ESCO2: variants seen among roughly 807,000 people sequenced by gnomAD.
The protein encoded by ESCO2 is N-acetyltransferase ESCO2.
ESCO2 carries 51 observed loss-of-function variants against 61.7 expected under a neutral mutation model. The ratio of observed to expected loss-of-function variants is 0.83; its 90% CI spans 0.66 to 1.04. The LOEUF is 1.04. ESCO2 is among the 50% of genes least tolerant of loss of function. ESCO2 has a pLI of 0.00. For synonymous variants in ESCO2, 230 were observed against 238.2 expected (o/e 0.97, Z 0.32); for missense variants, 692 against 686.2 (o/e 1.01, Z -0.09).
chr8:27,788,942 G>A lies in ESCO2; in HGVS notation c.1227G>A (p.Gln409=). ...CTGAAGATGAAATGCAGCATGTACA[G>A]CATCACCACAGGTTTCTGGAAGGAA... is the stretch of plus-strand genomic sequence containing the variant. ...SNPEDEMQHV[Q]HHHRFLEGIK... Residue 409 remains glutamine, a synonymous_variant, in exon 7 of 11, where the codon CAG becomes CAA. Coordinates refer to ENST00000305188, the MANE Select transcript of ESCO2 (RefSeq NM_001017420.3). 1.2e-6 allele frequency: 2 copies of A among 1,614,096 alleles called. No individual in the cohort carries two copies.
chr8:27,798,187 C>A (rs1480079887), intron 9 of ESCO2, among the ~76,000 whole-genome samples: 2 of 152,154 alleles, frequency 1.3e-5, no homozygotes, highest in Non-Finnish European at 2.9e-5. Flanking sequence ...AGGCCAGGCG[C>A]AGTGGCTCAC....
chr8:27,801,455 A>G (rs1233198416), intron 10 of ESCO2, among the ~76,000 whole-genome samples: 2 of 152,200 alleles, frequency 1.3e-5, no homozygotes, highest in South Asian at 2.1e-4. Context: ...ACACATACTT[A>G]CAAAGGGTAT....
chr8:27,780,006 G>A, intron 3 of ESCO2, 168 bp from the exon 4 acceptor site: 1 of 585,260 alleles, frequency 1.7e-6, no homozygotes, highest in South Asian at 2.0e-5. Flanking sequence ...GTGAATACAG[G>A]GGAAGTTTTC....
rs1554557661 is a variant in ESCO2, at chr8:27,802,630, A to AAAAAAT, written c.1674-675_1674-674insAAAATA. On this transcript the variant is annotated intron_variant, in intron 10 of 10. Coordinates refer to ENST00000305188, the MANE Select transcript of ESCO2 (RefSeq NM_001017420.3). Reference sequence around the variant, plus strand: ...CTCAAAAAAAAAAAAAAAAAAAAAAAATATATATATATATATATATATATA... The same window carrying AAAAAAT: ...CTCAAAAAAAAAAAAAAAAAAAAAAAAAAAATATATATATATATATATATATATATA... Among the ~76,000 whole-genome samples the AAAAAAT allele has an allele frequency of 2.3e-3, 105 of 45,826 alleles. 3 individuals are homozygous for AAAAAAT. The highest frequency in any genetic ancestry group is 2.9e-3 in the Admixed American group (8 of 2,756). 30.1% of individuals were successfully genotyped at this position (45,826 alleles called of 152,430 possible).
At chr8:27,779,104 G>A (rs931871267) in intron 3 of ESCO2, 2 of 152,310 alleles carry the variant, frequency 1.3e-5, no homozygotes, top group East Asian at 1.9e-4. Flanking sequence ...TAGTAGGAAC[G>A]GGGTTTCACC....
At chr8:27,816,844 C>T (rs1430518538), downstream of ESCO2, among the ~76,000 whole-genome samples, 7 of 151,422 alleles carry the variant, frequency 4.6e-5, no homozygotes, top group Admixed American at 2.6e-4. Flanking sequence ...AATATAAACC[C>T]GTATAATTTA....
rs149395052 is a variant in ESCO2, at chr8:27,803,929, A to G, written c.*491A>G. The G allele has an allele frequency of 1.5e-3, 1,448 of 993,998 alleles. 9 individuals carry two copies. The African/African-American group carries it at 0.024, about 16-fold the overall frequency. The allele number at this position is 993,998 out of a possible 1,614,324, so 61.6% of individuals were successfully genotyped here. On this transcript the variant is annotated 3_prime_UTR_variant, in exon 11 of 11. Transcript: ENST00000305188. The stretch of plus-strand genomic sequence containing the variant: ...ATTTTTTTTTTTTTTTAATAGAGGC[A>G]TGGGTCTCACTGTGTTGCCCAGGCT...
rs769660458 is a variant in ESCO2 at position 27,776,954 on chromosome 8, AAAT to A, written c.647_649del (p.Lys216_Ser217delinsThr). The stretch of plus-strand genomic sequence containing the variant: ...TGGAGCAGCATTTTTTGTTAGAAAA[AAAT>A]CTTCTCTTAGAAAATCGTCCCTGGA... On this transcript the variant is annotated inframe_deletion, in exon 3 of 11. Transcript: ENST00000305188. The A allele has an allele frequency of 6.2e-7, 1 of 1,613,244 alleles. No homozygotes were observed. Among genetic ancestry groups the A allele is most frequent in the East Asian group, 2.2e-5 (1 of 44,876 alleles).
intron 9 of ESCO2, among the ~76,000 whole-genome samples, chr8:27,794,443 T>A (rs1805250389): frequency 6.6e-6 from 1 of 152,250 alleles, no homozygotes; most frequent in Non-Finnish European, 1.5e-5. Context: ...GCCCATTTTT[T>A]AATCAGAGTA....
At chr8:27,810,899 A>G, downstream of ESCO2, 1 of 1,120,406 alleles carries the variant, frequency 8.9e-7, no homozygotes, top group Non-Finnish European at 1.3e-6. Context: ...AGATAAAATT[A>G]TATAATCTTT....
At chr8:27,780,067 A>G in intron 3 of ESCO2, 107 bp from the exon 4 acceptor site, 1 of 739,714 alleles carries the variant, frequency 1.4e-6, no homozygotes, top group Non-Finnish European at 2.4e-6. Flanking sequence ...AATGTAATTC[A>G]TAATAAACCA....
Position 27,792,693 on chromosome 8 carries a change from A to G in ESCO2, c.1379A>G (p.Asp460Gly). Residue 460 changes from aspartate (D) to glycine (G), a missense_variant, in exon 9 of 11, where the codon GAT becomes GGT. Coordinates refer to ENST00000305188, the MANE Select transcript of ESCO2 (RefSeq NM_001017420.3). ...GTAGAAGATGTCCAAGAACTTGTTG[A>G]TAATGAATTGGGCTTCCAGCAAGTT... ...KKVEDVQELV[D>G]NELGFQQVVP... 6.2e-7 allele frequency: 1 copy of G among 1,612,804 alleles called. No homozygotes were observed. Among genetic ancestry groups the G allele is most frequent in the Non-Finnish European group, 8.5e-7 (1 of 1,179,674 alleles).
rs886062868 is a variant in ESCO2, at chr8:27,803,660, T to C, written c.*222T>C. 53 of 1,337,466 alleles carry C rather than the reference T, an allele frequency of 4.0e-5. No individual in the cohort carries two copies. Among genetic ancestry groups the C allele is most frequent in the Non-Finnish European group, 4.9e-5 (51 of 1,049,398 alleles). The allele number at this position is 1,337,466 out of a possible 1,614,324, so 82.8% of individuals were successfully genotyped here. A position where few individuals can be genotyped will look rare whatever the true frequency, so the allele number is the denominator to read the frequency against. On this transcript the variant is annotated 3_prime_UTR_variant, in exon 11 of 11. Coordinates refer to ENST00000305188, the MANE Select transcript of ESCO2 (RefSeq NM_001017420.3). ...ATCTGGGGATTCAAAGGAAAAATCT[T>C]TGGGTGATTCCCTGATTAGCACTCT... is the stretch of plus-strand genomic sequence containing the variant.
In ESCO2 at chr8:27,784,108, C is replaced by T. The variant is rs546622918; in HGVS notation, c.1013+51C>T. 50 of 1,556,006 alleles carry T rather than the reference C, an allele frequency of 3.2e-5. No individual in the cohort carries two copies. The East Asian group carries it at 1.1e-3, about 34-fold the overall frequency. ...CCAAGCCTTGTAAATTATACAGTTC[C>T]TCTGGGTCTCTTTTTCAGTCTCATG... On this transcript the variant is annotated intron_variant, in intron 5 of 10. Coordinates refer to ENST00000305188, the MANE Select transcript of ESCO2 (RefSeq NM_001017420.3).
intron 1 of ESCO2, 44 bp downstream of exon 1, chr8:27,774,651 A>T (rs1479321373): frequency 6.6e-6 from 1 of 152,598 alleles, no homozygotes; most frequent in Non-Finnish European, 1.5e-5. Flanking sequence ...TGGAAGGCTG[A>T]GGCGAGCGGG....
chr8:27,780,159 T>TTA lies in ESCO2; in HGVS notation c.862-15_862-14insTA. 6.6e-7 allele frequency: 1 copy of TTA among 1,505,936 alleles called. No homozygotes were observed. The highest frequency in any genetic ancestry group is 1.4e-5 in the African/African-American group (1 of 72,502). 93.3% of individuals were successfully genotyped at this position (1,505,936 alleles called of 1,614,324 possible). A position where few individuals can be genotyped will look rare whatever the true frequency, so the allele number is the denominator to read the frequency against. On this transcript the variant is annotated splice_polypyrimidine_tract_variant and intron_variant, in intron 3 of 10. Coordinates refer to ENST00000305188, the MANE Select transcript of ESCO2 (RefSeq NM_001017420.3). ...AATTACAGATGTTTGGTTTTTTTTTTAAACCTATTTTCAGGATTCATCAGA... is the reference window on the plus strand; with the variant it reads ...AATTACAGATGTTTGGTTTTTTTTTTTAAAACCTATTTTCAGGATTCATCAGA...
intron 3 of ESCO2, 110 bp downstream of exon 3, chr8:27,777,279 C>A: frequency 1.0e-6 from 1 of 997,576 alleles, no homozygotes; most frequent in South Asian, 1.6e-5. Flanking sequence ...AGCCAGATAG[C>A]ATAGTGTTTA....
At chr8:27,817,956 C>T in the ESCO2 span, among the ~76,000 whole-genome samples, 3 of 152,126 alleles carry the variant, frequency 2.0e-5, no homozygotes, top group Admixed American at 6.5e-5. Flanking sequence ...TGAATTGTGG[C>T]TAGGGTGGCT....
At chr8:27,814,543 CCCTT>C (rs1007999403), downstream of ESCO2, among the ~76,000 whole-genome samples, 19 of 151,828 alleles carry the variant, frequency 1.3e-4, no homozygotes, top group African/African-American at 3.6e-4. Context: ...TAGCTTTATT[CCCTT>C]CCTTTGGATT....
Sources: gnomAD v4.1 joint callset for allele counts (sites outside exome capture counted in the v4.1 genomes callset) on GRCh38, gnomAD v4.1.1 for gene constraint, MANE v1.5 for transcripts, NCBI Gene and HGNC (gene_info 2026-07-23, HGNC 2026-07-21) for gene names.